Variants in SMARCC1 observed in about 807,000 individuals in gnomAD.
SMARCC1 encodes SWI/SNF related BAF chromatin remodeling complex subunit C1.
SMARCC1 carries 43 observed loss-of-function variants against 147.4 expected under a neutral mutation model. The observed-to-expected ratio is 0.29, with a 90% confidence interval of 0.23 to 0.38. The LOEUF (loss-of-function observed/expected upper bound fraction) is 0.38, where lower values mean the gene tolerates loss of function less well. Ranked by LOEUF, SMARCC1 falls within the 10% of genes least tolerant of loss-of-function variation. SMARCC1 has a pLI of 1.00. For synonymous variants in SMARCC1, 495 were observed against 484.4 expected (o/e 1.02, Z -0.29); for missense variants, 1,119 against 1,381.1 (o/e 0.81, Z 3.01).
chr3:47,671,841 T>G (rs182231037), intron 18 of SMARCC1, among the ~76,000 whole-genome samples: 47 of 152,336 alleles, frequency 3.1e-4, no homozygotes, highest in African/African-American at 1.1e-3. Context: ...CAATCTGTGA[T>G]TTTCCTGTAT....
rs564271394 is a variant in SMARCC1, at chr3:47,667,275, G to A, written c.1899+3383C>T. Among the ~76,000 whole-genome samples, 6 of 149,810 alleles carry A rather than the reference G, an allele frequency of 4.0e-5. No homozygotes were observed. The South Asian group carries it at 1.3e-3, about 32-fold the overall frequency. ...GGAGCTTGCAGTGAGCCGAGATCAC[G>A]CCACTGCACTCCAGCCTGGGCGACA... On this transcript the variant is annotated intron_variant, in intron 19 of 27. Coordinates refer to ENST00000254480, the MANE Select transcript of SMARCC1 (RefSeq NM_003074.4).
intron 7 of SMARCC1, among the ~76,000 whole-genome samples, chr3:47,720,288 T>G (rs2034215421): frequency 1.3e-5 from 2 of 151,868 alleles, no homozygotes; most frequent in South Asian, 4.2e-4. Context: ...CACGTCTGGC[T>G]AATTTTTTTT....
At chr3:47,680,643 G>A in intron 14 of SMARCC1, 135 bp from the exon 15 acceptor site, 2 of 468,698 alleles carry the variant, frequency 4.3e-6, no homozygotes, top group Non-Finnish European at 7.3e-6. Flanking sequence ...CGCCTCCCGG[G>A]TTCACGCCAT....
intron 5 of SMARCC1, among the ~76,000 whole-genome samples, chr3:47,734,146 G>T (rs1401989553): frequency 6.6e-6 from 1 of 152,034 alleles, no homozygotes; most frequent in African/African-American, 2.4e-5. Context: ...CAGCTTCAAG[G>T]CAAGAAACAG....
At chr3:47,682,677 T>C (rs1448382208) in intron 14 of SMARCC1, among the ~76,000 whole-genome samples, 2 of 152,194 alleles carry the variant, frequency 1.3e-5, no homozygotes, top group African/African-American at 2.4e-5. Context: ...TTTGGAATAA[T>C]TAAAACAGCA....
chr3:47,744,305 C>A (rs6442083), intron 3 of SMARCC1, among the ~76,000 whole-genome samples: 91,567 of 151,914 alleles, frequency 0.6, 28,961 homozygotes, highest in East Asian at 0.72. Flanking sequence ...CCAAGTCTGG[C>A]TAATTTTTTT....
At chr3:47,594,160 CAAAA>C (rs35893415) in intron 26 of SMARCC1, among the ~76,000 whole-genome samples, 6 of 133,458 alleles carry the variant, frequency 4.5e-5, no homozygotes, top group Admixed American at 1.5e-4. Flanking sequence ...AATGAAACTC[CAAAA>C]AAAAAAAAAA....
At chr3:47,775,462 G>GT (rs1444111527) in intron 1 of SMARCC1, among the ~76,000 whole-genome samples, 1 of 143,880 alleles carries the variant, frequency 7.0e-6, no homozygotes, top group Non-Finnish European at 1.5e-5. Flanking sequence ...GCCCAGCCCC[G>GT]TAAATTTTTA....
At chr3:47,742,511 C>T (rs2034520061) in intron 3 of SMARCC1, among the ~76,000 whole-genome samples, 1 of 152,146 alleles carries the variant, frequency 6.6e-6, no homozygotes, top group Admixed American at 6.6e-5. Flanking sequence ...AGGAGAAAAA[C>T]CATAAATAAG....
intron 5 of SMARCC1, among the ~76,000 whole-genome samples, chr3:47,730,290 C>T (rs925248296): frequency 6.6e-6 from 1 of 152,194 alleles, no homozygotes; most frequent in African/African-American, 2.4e-5. Flanking sequence ...GAGTTCAAGA[C>T]TAGTCTGGGC....
intron 3 of SMARCC1, among the ~76,000 whole-genome samples, chr3:47,745,094 C>A (rs2034551128): frequency 6.6e-6 from 1 of 152,006 alleles, no homozygotes; most frequent in East Asian, 1.9e-4. Flanking sequence ...ATGGTGAAAC[C>A]CCATCTCTAC....
chr3:47,642,856 G>C (rs947396336), intron 21 of SMARCC1, among the ~76,000 whole-genome samples: 2 of 152,072 alleles, frequency 1.3e-5, no homozygotes, highest in Non-Finnish European at 2.9e-5. Flanking sequence ...GACCACTCTA[G>C]GCAACATTGT....
At chr3:47,778,661 G>A (rs892492277) in intron 1 of SMARCC1, among the ~76,000 whole-genome samples, 4 of 152,076 alleles carry the variant, frequency 2.6e-5, no homozygotes, top group African/African-American at 9.7e-5. Context: ...TTTTATTTAA[G>A]AAAACAAAAA....
intron 7 of SMARCC1, among the ~76,000 whole-genome samples, chr3:47,720,118 G>A (rs1045528298): frequency 6.6e-6 from 1 of 151,890 alleles, no homozygotes; most frequent in Non-Finnish European, 1.5e-5. Flanking sequence ...TAAAAGATAT[G>A]AGGTTTTGTT....
At chr3:47,770,835 T>C (rs1255313362) in intron 2 of SMARCC1, among the ~76,000 whole-genome samples, 1 of 152,194 alleles carries the variant, frequency 6.6e-6, no homozygotes, top group Non-Finnish European at 1.5e-5. Flanking sequence ...TCTTTAACTT[T>C]TTGGATAATA....
chr3:47,662,193 T>C (rs1454462119), intron 20 of SMARCC1, 141 bp downstream of exon 20: 9 of 785,900 alleles, frequency 1.1e-5, no homozygotes, highest in Non-Finnish European at 1.8e-5. Flanking sequence ...GTAATACTTT[T>C]ATAAAGAATA....
chr3:47,635,458 C>G (rs2032956615), intron 23 of SMARCC1, 114 bp from the exon 24 acceptor site: 1 of 911,486 alleles, frequency 1.1e-6, no homozygotes, highest in Admixed American at 2.4e-5. Flanking sequence ...GATGTCAATG[C>G]CTTTTTCTTC....
intron 24 of SMARCC1, among the ~76,000 whole-genome samples, chr3:47,629,623 A>G (rs111261558): frequency 4.6e-5 from 7 of 152,108 alleles, no homozygotes; most frequent in East Asian, 1.9e-4. Flanking sequence ...AAAAAGTCCA[A>G]CTACTCCTGA....
chr3:47,641,864 T>TG (rs1349336860), intron 21 of SMARCC1, among the ~76,000 whole-genome samples: 2 of 152,172 alleles, frequency 1.3e-5, no homozygotes, highest in Non-Finnish European at 2.9e-5. Flanking sequence ...CTCAAACTCC[T>TG]GGGCTCAACT....
Sources: gnomAD v4.1 joint callset for allele counts (sites outside exome capture counted in the v4.1 genomes callset) on GRCh38, gnomAD v4.1.1 for gene constraint, MANE v1.5 for transcripts, NCBI Gene and HGNC (gene_info 2026-07-23, HGNC 2026-07-21) for gene names.